The following ZNF547 variants were observed in gnomAD, a reference collection of about 807,000 sequenced individuals.
ZNF547 encodes zinc finger protein 547.
A neutral mutation model predicts 7.7 loss-of-function variants in ZNF547; 4 were observed. The observed-to-expected ratio is 0.52, with a 90% CI of 0.26 to 1.20. ZNF547 has a LOEUF of 1.20. ZNF547 is among the 50% of genes most tolerant of loss of function. The pLI is 0.14. For synonymous variants in ZNF547, 166 were observed against 166.2 expected (o/e 1.00, Z 0.01); for missense variants, 449 against 485.8 (o/e 0.92, Z 0.71).
chr19:57,369,896 G>GTTCTTTTTTTTT (rs2088493529), intron 2 of ZNF547, among the ~76,000 whole-genome samples: 1 of 33,860 alleles, frequency 3.0e-5, no homozygotes, highest in African/African-American at 9.8e-5. Context: ...TTGACTCACA[G>GTTCTTTTTTTTT]TTCTTTTTTT....
intron 2 of ZNF547, 64 bp from the exon 3 acceptor site, chr19:57,371,718 T>C: frequency 6.5e-7 from 1 of 1,547,336 alleles, no homozygotes; most frequent in East Asian, 2.3e-5. Flanking sequence ...AGAAAATAAA[T>C]AGAGAACTTA....
In ZNF547 at chr19:57,377,372, A is replaced by G; in HGVS notation, c.396A>G (p.Lys132=). 3 of 1,614,218 alleles carry G rather than the reference A, an allele frequency of 1.9e-6. No homozygotes were observed. The highest frequency in any genetic ancestry group is 2.5e-6 in the Non-Finnish European group (3 of 1,180,034). The part of the protein sequence containing the change: ...HQHQKEQIRE[K]LSRGDGGRPT... The stretch of plus-strand genomic sequence containing the variant: ...ACCAAAAGGAGCAGATTAGAGAGAA[A>G]CTTTCTAGAGGGGATGGAGGAAGAC... The change falls in exon 4 of 4, where the codon AAA becomes AAG. Residue 132 remains lysine (K), a synonymous_variant. Coordinates refer to ENST00000282282, the MANE Select transcript of ZNF547 (RefSeq NM_173631.4).
chr19:57,371,940 G>A, intron 3 of ZNF547, 32 bp downstream of exon 3: 5 of 1,541,812 alleles, frequency 3.2e-6, no homozygotes, highest in Non-Finnish European at 4.4e-6. Context: ...AGTGTCCTGG[G>A]TTGGGCTGTG....
At chr19:57,364,881 A>C in intron 1 of ZNF547, 1 of 1,611,888 alleles carries the variant, frequency 6.2e-7, no homozygotes, top group Non-Finnish European at 8.5e-7. Context: ...ATGATAATCC[A>C]GTTTTTGAAA....
intron 3 of ZNF547, among the ~76,000 whole-genome samples, chr19:57,373,892 T>A (rs906502235): frequency 1.4e-4 from 21 of 152,104 alleles, no homozygotes; most frequent in African/African-American, 5.1e-4. Flanking sequence ...TGGCATTGAG[T>A]GTCTCTGGCT....
chr19:57,370,422 A>G (rs375460945), intron 2 of ZNF547, among the ~76,000 whole-genome samples: 8 of 152,172 alleles, frequency 5.3e-5, no homozygotes, highest in African/African-American at 1.9e-4. Flanking sequence ...AGTGAATTGG[A>G]TGCTGAGCGT....
intron 1 of ZNF547, 53 bp from the exon 2 acceptor site, chr19:57,368,491 C>T: frequency 6.3e-7 from 1 of 1,574,896 alleles, no homozygotes. Context: ...CCAACTCTGC[C>T]TGTAAGATCT....
chr19:57,376,756 G>A (rs953731683), intron 3 of ZNF547, among the ~76,000 whole-genome samples: 2 of 152,030 alleles, frequency 1.3e-5, no homozygotes, highest in African/African-American at 4.8e-5. Flanking sequence ...AGTTTCTTCA[G>A]ACCCCCAATA....
At chr19:57,364,443 T>TCGGAGGTCGCCGTA in intron 1 of ZNF547, 4 of 206,436 alleles carry the variant, frequency 1.9e-5, no homozygotes, top group South Asian at 8.0e-5. Flanking sequence ...GTGTAGATTC[T>TCGGAGGTCGCCGTA]TCAAAAGAAT....
chr19:57,376,929 C>G (rs550875224), intron 3 of ZNF547, among the ~76,000 whole-genome samples, 199 bp from the exon 4 acceptor site: 1 of 152,274 alleles, frequency 6.6e-6, no homozygotes, highest in African/African-American at 2.4e-5. Flanking sequence ...AACTTAACCA[C>G]TCAGTCAGTG....
rs765613410 is a variant in ZNF547 at position 57,377,788 on chromosome 19, G to T, written c.812G>T (p.Ser271Ile). 2.5e-6 allele frequency: 4 copies of T among 1,614,200 alleles called. No homozygotes were observed. Among genetic ancestry groups the T allele is most frequent in the Non-Finnish European group, 2.5e-6 (3 of 1,180,034 alleles). ...ACTGGAAAGAGGCCTTATGGTTGCA[G>T]TGAATGTGGGAAGTTCTTTAAGTGC... ...VHTGKRPYGC[S>I]ECGKFFKCNS... is the part of the protein sequence containing the mutation. The change falls in exon 4 of 4, where the codon AGT (serine) becomes ATT (isoleucine). Residue 271 changes from serine (S) to isoleucine (I), a missense_variant. Coordinates refer to ENST00000282282, the MANE Select transcript of ZNF547 (RefSeq NM_173631.4).
chr19:57,376,960 G>T (rs1317832866), intron 3 of ZNF547, among the ~76,000 whole-genome samples, 168 bp from the exon 4 acceptor site: 1 of 152,152 alleles, frequency 6.6e-6, no homozygotes, highest in Non-Finnish European at 1.5e-5. Flanking sequence ...TGTCATGGAA[G>T]CCTGCCTGCT....
At chr19:57,369,899 C>CTTTTTTTGT (rs2088493784) in intron 2 of ZNF547, among the ~76,000 whole-genome samples, 1 of 51,678 alleles carries the variant, frequency 1.9e-5, no homozygotes, top group East Asian at 6.8e-4. Context: ...ACTCACAGTT[C>CTTTTTTTGT]TTTTTTTTTT....
rs781348428 is a variant in ZNF547, at chr19:57,371,851, C to T, written c.94C>T (p.Gln32Ter). 2.5e-6 allele frequency: 4 copies of T among 1,613,900 alleles called. No individual in the cohort carries two copies. The highest frequency in any genetic ancestry group is 3.4e-6 in the Non-Finnish European group (4 of 1,179,872). The change falls in exon 3 of 4, where the codon CAG becomes TAG. Residue 32 changes from glutamine to a stop codon, truncating the protein, a stop_gained. Coordinates refer to ENST00000282282, the MANE Select transcript of ZNF547 (RefSeq NM_173631.4). LOFTEE classifies it high-confidence loss of function. The stretch of plus-strand genomic sequence containing the variant: ...GGAGTGGGGGCATCTCGATGAGGCT[C>T]AGAGATTGCTGTACCGTGATGTGAT... ...QEEWGHLDEA[Q>*]RLLYRDVMLE...
chr19:57,370,617 C>T (rs1202405701), intron 2 of ZNF547, among the ~76,000 whole-genome samples: 1 of 152,066 alleles, frequency 6.6e-6, no homozygotes, highest in Non-Finnish European at 1.5e-5. Flanking sequence ...GGCCTCAGGC[C>T]CTGGCCCTGG....
At chr19:57,366,547 G>GT (rs34507280) in intron 1 of ZNF547, among the ~76,000 whole-genome samples, 17 of 90,404 alleles carry the variant, frequency 1.9e-4, no homozygotes, top group East Asian at 6.7e-4. Context: ...CAGATAAATT[G>GT]TTTTTTTTTT....
Position 57,377,363 on chromosome 19 carries a change from T to C in ZNF547, c.387T>C (p.Ile129=), listed in dbSNP as rs1489159544. 1 of 1,614,196 alleles carries C rather than the reference T, an allele frequency of 6.2e-7. No individual in the cohort carries two copies. Among genetic ancestry groups the C allele is most frequent in the African/African-American group, 1.3e-5 (1 of 75,040 alleles). ...TTCACCAGCACCAAAAGGAGCAGAT[T>C]AGAGAGAAACTTTCTAGAGGGGATG... ...AHLHQHQKEQ[I]REKLSRGDGG... is the part of the protein sequence containing the mutation. Residue 129 remains isoleucine, a synonymous_variant, in exon 4 of 4, where the codon ATT becomes ATC. Transcript: ENST00000282282.
intron 3 of ZNF547, among the ~76,000 whole-genome samples, chr19:57,375,885 G>A (rs1194223584): frequency 7.9e-5 from 12 of 151,964 alleles, no homozygotes; most frequent in Non-Finnish European, 5.9e-5. Flanking sequence ...TAGATTGGCC[G>A]GGTGCAGTGG....
In ZNF547 at chr19:57,368,598, A is replaced by G. The variant is rs1392537069; in HGVS notation, c.24+19A>G. 5 of 1,613,492 alleles carry G rather than the reference A, an allele frequency of 3.1e-6. No individual in the cohort carries two copies. Among genetic ancestry groups the G allele is most frequent in the Non-Finnish European group, 8.5e-7 (1 of 1,179,654 alleles). ...TGCACAGGTGAGTGGAGTGTTTTCT[A>G]CCTTTCACCTACCAGTTATCTCATA... On this transcript the variant is annotated intron_variant, in intron 2 of 3. Transcript: ENST00000282282.
Sources: allele counts gnomAD v4.1 joint callset (sites outside exome capture counted in the v4.1 genomes callset), GRCh38; gene constraint gnomAD v4.1.1; transcripts MANE v1.5; gene names NCBI Gene and HGNC (gene_info 2026-07-23, HGNC 2026-07-21).